ANKRD30B: variants seen among roughly 807,000 people sequenced by gnomAD.
ANKRD30B encodes ankyrin repeat domain 30B.
A neutral mutation model predicts 202.2 loss-of-function variants in ANKRD30B; 144 were observed. The ratio of observed to expected loss-of-function variants is 0.71; its 90% CI spans 0.62 to 0.82. The LOEUF is 0.82. Ranked by LOEUF, ANKRD30B falls within the 40% of genes least tolerant of loss-of-function variation. ANKRD30B has a pLI of 0.00. For synonymous variants in ANKRD30B, 508 were observed against 561.3 expected (o/e 0.91, Z 1.34); for missense variants, 1,487 against 1,669.1 (o/e 0.89, Z 1.90).
At chr18:14,880,089 C>T in the ANKRD30B span, among the ~76,000 whole-genome samples, 1 of 151,678 alleles carries the variant, frequency 6.6e-6, no homozygotes, top group Non-Finnish European at 1.5e-5. Flanking sequence ...AGTTTTATTC[C>T]CCTACATGTG....
the ANKRD30B span, among the ~76,000 whole-genome samples, chr18:14,901,555 G>GTTTTTT: frequency 2.0e-5 from 3 of 148,476 alleles, no homozygotes; most frequent in Non-Finnish European, 3.0e-5. Flanking sequence ...TCAAGACAAA[G>GTTTTTT]TTTTTTTTTT....
the ANKRD30B span, among the ~76,000 whole-genome samples, chr18:14,902,856 C>T: frequency 6.6e-6 from 1 of 152,202 alleles, no homozygotes; most frequent in Admixed American, 6.5e-5. Flanking sequence ...ATACTAGAAG[C>T]TGCAATCTCA....
chr18:14,918,413 G>A, the ANKRD30B span, among the ~76,000 whole-genome samples: 28 of 152,062 alleles, frequency 1.8e-4, no homozygotes, highest in Admixed American at 4.6e-4. Flanking sequence ...ATGTAGGAGC[G>A]TATTAATATC....
At chr18:14,826,220 A>G (rs1234171870) in intron 32 of ANKRD30B, among the ~76,000 whole-genome samples, 3 of 152,220 alleles carry the variant, frequency 2.0e-5, no homozygotes, top group Non-Finnish European at 2.9e-5. Context: ...GGGAGTATCA[A>G]CATTTCACAG....
At chr18:14,832,059 A>G (rs1035601900) in intron 34 of ANKRD30B, among the ~76,000 whole-genome samples, 3 of 152,290 alleles carry the variant, frequency 2.0e-5, no homozygotes, top group Non-Finnish European at 4.4e-5. Flanking sequence ...ACACCAAAAT[A>G]ATATTAGAAA....
rs745779969 is a variant in ANKRD30B, at chr18:14,754,890, A to G, written c.511-9A>G. 8.6e-6 allele frequency: 13 copies of G among 1,505,810 alleles called. No homozygotes were observed. The highest frequency in any genetic ancestry group is 1.4e-5 in the African/African-American group (1 of 70,552). The allele number at this position is 1,505,810 out of a possible 1,614,324, so 93.3% of individuals were successfully genotyped here. On this transcript the variant is annotated splice_polypyrimidine_tract_variant and intron_variant, in intron 3 of 43. Transcript: ENST00000690538. Reference sequence around the variant, plus strand: ...TTCATGAATTATATATTGTTCTGCTATTTTACAGGCTAGCCTCACACCCCT... The same window carrying G: ...TTCATGAATTATATATTGTTCTGCTGTTTTACAGGCTAGCCTCACACCCCT...
chr18:14,897,599 A>C, the ANKRD30B span, among the ~76,000 whole-genome samples: 1 of 151,308 alleles, frequency 6.6e-6, no homozygotes, highest in East Asian at 1.9e-4. Context: ...TAAAGTTAGC[A>C]TAATATTTTT....
intron 30 of ANKRD30B, among the ~76,000 whole-genome samples, chr18:14,815,737 ATTAATAT>A (rs1446102144): frequency 6.6e-6 from 1 of 152,208 alleles, no homozygotes; most frequent in South Asian, 2.1e-4. Flanking sequence ...AGAAAATGTT[ATTAATAT>A]TTAATAAGTC....
At chr18:14,866,651 C>G in the ANKRD30B span, among the ~76,000 whole-genome samples, 1 of 152,128 alleles carries the variant, frequency 6.6e-6, no homozygotes, top group African/African-American at 2.4e-5. Flanking sequence ...TAGGTGCGCT[C>G]TCTGCAGCTG....
the ANKRD30B span, among the ~76,000 whole-genome samples, chr18:14,928,247 C>T: frequency 6.6e-6 from 1 of 152,108 alleles, no homozygotes; most frequent in Non-Finnish European, 1.5e-5. Context: ...GGATTACAGG[C>T]GCGAGTCACC....
At chr18:14,900,336 C>A in the ANKRD30B span, among the ~76,000 whole-genome samples, 1 of 152,140 alleles carries the variant, frequency 6.6e-6, no homozygotes, top group Non-Finnish European at 1.5e-5. Context: ...TCTATAATGT[C>A]ATGTAACTTT....
chr18:14,883,399 CTATATATA>C, the ANKRD30B span: 2 of 37,190 alleles, frequency 5.4e-5, no homozygotes, highest in African/African-American at 2.2e-4. Flanking sequence ...CTCTCTCTCT[CTATATATA>C]TATATATATA....
At chr18:14,870,040 T>C in the ANKRD30B span, among the ~76,000 whole-genome samples, 1 of 152,276 alleles carries the variant, frequency 6.6e-6, no homozygotes, top group East Asian at 1.9e-4. Context: ...TTCACCATAT[T>C]GATCATGCCG....
At chr18:14,774,796 A>G (rs929860773) in intron 9 of ANKRD30B, among the ~76,000 whole-genome samples, 4 of 152,052 alleles carry the variant, frequency 2.6e-5, no homozygotes, top group African/African-American at 9.7e-5. Flanking sequence ...ACTACGTAAG[A>G]GTAAATTTTT....
chr18:14,826,689 T>TCACACA (rs1324783952), intron 32 of ANKRD30B, among the ~76,000 whole-genome samples: 738 of 22,642 alleles, frequency 0.033, 7 homozygotes, highest in Non-Finnish European at 0.076. Context: ...TCTCTCTCTC[T>TCACACA]CTCTCACACA....
intron 34 of ANKRD30B, 143 bp from the exon 35 acceptor site, chr18:14,837,068 C>T: frequency 3.5e-6 from 2 of 571,850 alleles, no homozygotes; most frequent in Non-Finnish European, 6.3e-6. Flanking sequence ...CAGGATAGTG[C>T]CTATGATTTG....
At chr18:14,931,677 T>G in the ANKRD30B span, among the ~76,000 whole-genome samples, 2 of 151,978 alleles carry the variant, frequency 1.3e-5, no homozygotes, top group African/African-American at 4.8e-5. Flanking sequence ...ACAACAGGAG[T>G]GTGGTGTGTG....
rs532818859 is a variant in ANKRD30B at position 14,751,806 on chromosome 18, A to C, written c.222-760A>C. On this transcript the variant is annotated intron_variant, in intron 1 of 43. Transcript: ENST00000690538. The stretch of plus-strand genomic sequence containing the variant: ...TTGTGTAGTCCTCTAAAAAGCTAAA[A>C]TTTCTTTCAGTGTTAATCCTGTGAC... Among the ~76,000 whole-genome samples the C allele has an allele frequency of 6.2e-4, 94 of 152,244 alleles. No homozygotes were observed. The Middle Eastern group carries it at 0.01, about 17-fold the overall frequency.
chr18:14,927,451 A>G, the ANKRD30B span, among the ~76,000 whole-genome samples: 3 of 152,170 alleles, frequency 2.0e-5, no homozygotes, highest in African/African-American at 4.8e-5. Context: ...TGAGCATTCA[A>G]TGCATCTTAC....
Sources: gnomAD v4.1 joint callset for allele counts (sites outside exome capture counted in the v4.1 genomes callset) on GRCh38, gnomAD v4.1.1 for gene constraint, MANE v1.5 for transcripts, NCBI Gene and HGNC (gene_info 2026-07-23, HGNC 2026-07-21) for gene names.